HECW2: variants seen among roughly 807,000 people sequenced by gnomAD.
The protein encoded by HECW2 is E3 ubiquitin-protein ligase HECW2.
A neutral mutation model predicts 175.2 loss-of-function variants in HECW2; 61 were observed. The observed-to-expected ratio is 0.35, with a 90% CI of 0.28 to 0.43. The LOEUF (loss-of-function observed/expected upper bound fraction) is 0.43, where lower values mean the gene tolerates loss of function less well. HECW2 is among the 20% of genes least tolerant of loss of function. The probability of loss-of-function intolerance (pLI) is 1.00; values close to 1 mark genes in which losing one functional copy is unlikely to be tolerated. For missense variants in HECW2, 1,524 were observed against 2,000.5 expected (o/e 0.76, Z 4.54); for synonymous variants, 671 against 731.0 (o/e 0.92, Z 1.32).
At chr2:196,466,002 A>G (rs981397001) in intron 1 of HECW2, among the ~76,000 whole-genome samples, 2 of 152,150 alleles carry the variant, frequency 1.3e-5, no homozygotes, top group Non-Finnish European at 2.9e-5. Flanking sequence ...ATCCAATCCC[A>G]TAACCTTTTA....
At chr2:196,230,496 T>C (rs1688011837) in intron 21 of HECW2, among the ~76,000 whole-genome samples, 1 of 152,152 alleles carries the variant, frequency 6.6e-6, no homozygotes, top group African/African-American at 2.4e-5. Context: ...CCTCCTTCTC[T>C]CCCTTTCCCA....
intron 1 of HECW2, among the ~76,000 whole-genome samples, chr2:196,497,304 G>A (rs1053180629): frequency 6.6e-6 from 1 of 152,100 alleles, no homozygotes; most frequent in Non-Finnish European, 1.5e-5. Context: ...TTTCACCTAG[G>A]AAAGAAATTC....
In HECW2 at chr2:196,197,810, A is replaced by G. The variant is rs1349549879; in HGVS notation, c.*3467T>C. On this transcript the variant is annotated 3_prime_UTR_variant, in exon 29 of 29. Transcript: ENST00000644978. ...GGAACATGATGCTTGTACCCTACAA[A>G]GTGCGTGAGGAGCTAAACGGACGAT... is the stretch of plus-strand genomic sequence containing the variant. 6.6e-6 allele frequency: 1 copy of G among 152,234 alleles called. No individual in the cohort carries two copies. The highest frequency in any genetic ancestry group is 1.5e-5 in the Non-Finnish European group (1 of 68,030). The allele number at this position is 152,234 out of a possible 1,614,324, so 9.4% of individuals were successfully genotyped here.
At chr2:196,306,788 C>A (rs561963538) in intron 12 of HECW2, among the ~76,000 whole-genome samples, 176 bp from the exon 13 acceptor site, 1 of 152,250 alleles carries the variant, frequency 6.6e-6, no homozygotes, top group South Asian at 2.1e-4. Context: ...CATGGCTGTT[C>A]TTAATTACAC....
intron 5 of HECW2, 141 bp from the exon 6 acceptor site, chr2:196,325,290 T>C (rs1692106690): frequency 1.8e-6 from 1 of 555,590 alleles, no homozygotes; most frequent in African/African-American, 1.9e-5. Flanking sequence ...TCAAAGATAA[T>C]TTGTTCTTAA....
intron 1 of HECW2, among the ~76,000 whole-genome samples, chr2:196,454,131 T>C (rs1253818795): frequency 6.6e-6 from 1 of 152,140 alleles, no homozygotes; most frequent in Non-Finnish European, 1.5e-5. Context: ...GGCTAATTTT[T>C]GTATTTTTAG....
chr2:196,592,004 G>A (rs577163301), intron 1 of HECW2, among the ~76,000 whole-genome samples: 20 of 152,258 alleles, frequency 1.3e-4, no homozygotes, highest in African/African-American at 4.8e-4. Flanking sequence ...ATGAACCCTC[G>A]AGGGAATAGG....
chr2:196,270,227 T>C (rs1186311076), intron 17 of HECW2, among the ~76,000 whole-genome samples: 1 of 152,152 alleles, frequency 6.6e-6, no homozygotes, highest in African/African-American at 2.4e-5. Flanking sequence ...CTAGCCTAGA[T>C]CATGAAAGTG....
At chr2:196,543,768 A>G (rs1240871290) in intron 1 of HECW2, among the ~76,000 whole-genome samples, 5 of 151,948 alleles carry the variant, frequency 3.3e-5, no homozygotes, top group South Asian at 2.1e-4. Flanking sequence ...ACGTGCCACC[A>G]CGCCCAGCTA....
intron 10 of HECW2, among the ~76,000 whole-genome samples, chr2:196,309,640 C>T (rs746996014): frequency 3.3e-5 from 5 of 152,070 alleles, no homozygotes; most frequent in South Asian, 2.1e-4. Context: ...CCTTTCTCAT[C>T]GGAGTCAGGG....
intron 1 of HECW2, among the ~76,000 whole-genome samples, chr2:196,576,428 C>G (rs148835004): frequency 6.6e-6 from 1 of 152,024 alleles, no homozygotes; most frequent in Non-Finnish European, 1.5e-5. Flanking sequence ...ATGAATGAAC[C>G]TGGAAGACAT....
chr2:196,296,966 T>C (rs1445392089), intron 13 of HECW2, among the ~76,000 whole-genome samples: 3 of 152,220 alleles, frequency 2.0e-5, no homozygotes, highest in African/African-American at 7.2e-5. Context: ...TGTTTGTTTG[T>C]TTGCTTGCTT....
chr2:196,366,404 C>A lies in HECW2; in HGVS notation c.293-22640G>T, dbSNP rs984735254. 3.1e-4 allele frequency among the ~76,000 whole-genome samples: 47 copies of A among 152,082 alleles called. 1 individual carries two copies. Among genetic ancestry groups the A allele is most frequent in the Admixed American group, 3.9e-4 (6 of 15,270 alleles). On this transcript the variant is annotated intron_variant, in intron 2 of 28. Transcript: ENST00000644978. ...ATACCTCTAGGAATGTCCATTCAAGCCAAAATATCAGCATTGTGATCCATT... is the reference window on the plus strand; with the variant it reads ...ATACCTCTAGGAATGTCCATTCAAGACAAAATATCAGCATTGTGATCCATT...
intron 2 of HECW2, among the ~76,000 whole-genome samples, chr2:196,373,729 A>C (rs1693969256): frequency 6.6e-6 from 1 of 152,204 alleles, no homozygotes; most frequent in East Asian, 1.9e-4. Flanking sequence ...CATGAAAAAA[A>C]TTATCTGCCA....
intron 2 of HECW2, among the ~76,000 whole-genome samples, chr2:196,370,912 C>G (rs1419003791): frequency 7.9e-5 from 12 of 152,212 alleles, no homozygotes; most frequent in Non-Finnish European, 1.2e-4. Context: ...AGGGGGGATG[C>G]AGTGTCAGCA....
At chr2:196,439,898 T>C (rs1695990385) in intron 1 of HECW2, among the ~76,000 whole-genome samples, 1 of 152,188 alleles carries the variant, frequency 6.6e-6, no homozygotes. Flanking sequence ...AGACGGATTT[T>C]AGTGACATGA....
rs750025789 is a variant in HECW2, at chr2:196,200,176, A to G, written c.*1101T>C. The G allele has an allele frequency of 6.6e-6, 1 of 152,622 alleles. No individual in the cohort carries two copies. The highest frequency in any genetic ancestry group is 2.1e-4 in the South Asian group (1 of 4,834). The allele number at this position is 152,622 out of a possible 1,614,324, so 9.5% of individuals were successfully genotyped here. ...TCTTAAAAAATTATTACTTAGATGCACAGTCCTTGTAGTGGTAGACACGGC... is the reference window on the plus strand; with the variant it reads ...TCTTAAAAAATTATTACTTAGATGCGCAGTCCTTGTAGTGGTAGACACGGC... On this transcript the variant is annotated 3_prime_UTR_variant, in exon 29 of 29. Coordinates refer to ENST00000644978, the MANE Select transcript of HECW2 (RefSeq NM_001348768.2).
chr2:196,350,722 T>A (rs1373336681), intron 2 of HECW2, among the ~76,000 whole-genome samples: 1 of 152,238 alleles, frequency 6.6e-6, no homozygotes, highest in Non-Finnish European at 1.5e-5. Flanking sequence ...GGGGGGATAT[T>A]TCCTGCCATA....
At chr2:196,540,877 C>T in intron 1 of HECW2, among the ~76,000 whole-genome samples, 1 of 152,180 alleles carries the variant, frequency 6.6e-6, no homozygotes, top group Middle Eastern at 3.2e-3. Context: ...AATGGCTGTT[C>T]CTCCCATTTA....
Sources: allele counts gnomAD v4.1 joint callset (sites outside exome capture counted in the v4.1 genomes callset), GRCh38; gene constraint gnomAD v4.1.1; transcripts MANE v1.5; gene names NCBI Gene and HGNC (gene_info 2026-07-23, HGNC 2026-07-21).